Variants in ADAM23 observed in about 807,000 individuals in gnomAD.
ADAM23 encodes the protein disintegrin and metalloproteinase domain-containing protein 23.
A neutral mutation model predicts 120.1 loss-of-function variants in ADAM23; 33 were observed. The observed-to-expected ratio is 0.27, with a 90% confidence interval of 0.21 to 0.37. ADAM23 has a LOEUF of 0.37. Ranked by LOEUF, ADAM23 falls within the 10% of genes least tolerant of loss-of-function variation. The pLI is 1.00. For missense variants in ADAM23, 862 were observed against 1,058.2 expected (o/e 0.81, Z 2.57); for synonymous variants, 367 against 375.2 (o/e 0.98, Z 0.25).
intron 3 of ADAM23, among the ~76,000 whole-genome samples, chr2:206,502,565 A>G (rs1299808236): frequency 2.6e-5 from 4 of 152,104 alleles, no homozygotes; most frequent in Non-Finnish European, 4.4e-5. Flanking sequence ...AATGAACTTC[A>G]GGTACAGAGG....
chr2:206,573,945 G>T (rs769938497), intron 18 of ADAM23, among the ~76,000 whole-genome samples: 8 of 152,102 alleles, frequency 5.3e-5, no homozygotes, highest in Non-Finnish European at 1.2e-4. Flanking sequence ...CATTAACAGA[G>T]TTTTTGCTTA....
At position 206,619,702 on chromosome 2, in the gene ADAM23, C is replaced by G. The variant is rs183236091; in HGVS notation, c.*2075C>G. 8 of 152,054 alleles carry G rather than the reference C, an allele frequency of 5.3e-5. No individual in the cohort carries two copies. The highest frequency in any genetic ancestry group is 4.6e-4 in the Admixed American group (7 of 15,270). The allele number at this position is 152,054 out of a possible 1,614,324, so 9.4% of individuals were successfully genotyped here. ...TTAACACAGTGGGGTTTTTTTCCCCCGAGGTGTCTTTAACTGGGGAAGTAC... is the reference window on the plus strand; with the variant it reads ...TTAACACAGTGGGGTTTTTTTCCCCGGAGGTGTCTTTAACTGGGGAAGTAC... On this transcript the variant is annotated 3_prime_UTR_variant, in exon 26 of 26. Transcript: ENST00000264377.
intron 2 of ADAM23, among the ~76,000 whole-genome samples, chr2:206,465,872 A>G (rs1695532865): frequency 6.6e-6 from 1 of 152,196 alleles, no homozygotes; most frequent in African/African-American, 2.4e-5. Context: ...TTTGTTCCTG[A>G]ATTTCACAAT....
intron 25 of ADAM23, 77 bp downstream of exon 25, chr2:206,610,077 C>G: frequency 7.7e-7 from 1 of 1,302,024 alleles, no homozygotes; most frequent in Non-Finnish European, 1.0e-6. Context: ...GTTTTGAGTT[C>G]CTGCTACAAG....
intron 3 of ADAM23, among the ~76,000 whole-genome samples, chr2:206,520,767 T>C (rs188850554): frequency 6.6e-6 from 1 of 152,190 alleles, no homozygotes; most frequent in Non-Finnish European, 1.5e-5. Context: ...TTCTGCTTGC[T>C]TTCAGCCTTT....
intron 3 of ADAM23, among the ~76,000 whole-genome samples, chr2:206,528,296 A>G (rs1296987796): frequency 3.3e-5 from 5 of 152,218 alleles, no homozygotes; most frequent in African/African-American, 1.2e-4. Flanking sequence ...TAGCAGTGAA[A>G]TAAGTTTCTG....
chr2:206,596,239 A>G (rs1428578849), intron 24 of ADAM23, 77 bp downstream of exon 24: 3 of 1,111,698 alleles, frequency 2.7e-6, no homozygotes, highest in South Asian at 1.4e-5. Flanking sequence ...ATAACATTCT[A>G]ATTGACTTAA....
At chr2:206,546,599 A>G (rs1697402825) in intron 6 of ADAM23, among the ~76,000 whole-genome samples, 1 of 152,102 alleles carries the variant, frequency 6.6e-6, no homozygotes, top group Non-Finnish European at 1.5e-5. Flanking sequence ...CCCAAAGATA[A>G]CTTCTTGTCA....
intron 2 of ADAM23, among the ~76,000 whole-genome samples, chr2:206,472,428 G>C (rs1305632230): frequency 6.6e-6 from 1 of 151,772 alleles, no homozygotes; most frequent in African/African-American, 2.4e-5. Context: ...TGGCCAATAT[G>C]GTGAAACCCT....
chr2:206,474,017 A>G (rs942360946), intron 2 of ADAM23, among the ~76,000 whole-genome samples: 1 of 147,916 alleles, frequency 6.8e-6, no homozygotes, highest in Non-Finnish European at 1.5e-5. Context: ...GTCTCAAAAA[A>G]AAAAAAACAA....
chr2:206,501,735 A>C (rs77279421), intron 3 of ADAM23, among the ~76,000 whole-genome samples: 22 of 152,138 alleles, frequency 1.4e-4, no homozygotes, highest in African/African-American at 5.3e-4. Context: ...TTGCAAGGTG[A>C]TAGCAATCTC....
At chr2:206,588,711 T>TA (rs1157008360) in intron 20 of ADAM23, among the ~76,000 whole-genome samples, 1 of 152,106 alleles carries the variant, frequency 6.6e-6, no homozygotes, top group Non-Finnish European at 1.5e-5. Flanking sequence ...GCCTCTCCAA[T>TA]AATATCAGTT....
At chr2:206,605,802 C>G in intron 24 of ADAM23, 1 of 702,340 alleles carries the variant, frequency 1.4e-6, no homozygotes, top group Non-Finnish European at 2.6e-6. Context: ...AATATGGCCA[C>G]AAGCAGGCTA....
intron 13 of ADAM23, among the ~76,000 whole-genome samples, chr2:206,562,827 C>T (rs1338261908): frequency 1.3e-5 from 2 of 152,204 alleles, no homozygotes; most frequent in Non-Finnish European, 2.9e-5. Flanking sequence ...ATAGGATTCT[C>T]CTCTAGTGGC....
intron 21 of ADAM23, among the ~76,000 whole-genome samples, chr2:206,590,017 A>G (rs1219776316): frequency 6.6e-6 from 1 of 152,170 alleles, no homozygotes; most frequent in East Asian, 1.9e-4. Context: ...TTCCCTTCCA[A>G]AAAGCATCTA....
chr2:206,510,421 T>A (rs1435075778), intron 3 of ADAM23, among the ~76,000 whole-genome samples: 2 of 152,174 alleles, frequency 1.3e-5, no homozygotes, highest in African/African-American at 2.4e-5. Context: ...ATACTAAGAC[T>A]TCTTTCACTT....
chr2:206,542,095 A>G lies in ADAM23; in HGVS notation c.617A>G (p.Lys206Arg), dbSNP rs554123540. The change falls in exon 5 of 26, where the codon AAA becomes AGA. Residue 206 changes from lysine to arginine, a missense_variant. Coordinates refer to ENST00000264377, the MANE Select transcript of ADAM23 (RefSeq NM_003812.4). The part of the protein sequence containing the change: ...CYYHGSIRGV[K>R]DSKVALSTCN... ...TACCATGGAAGCATCAGAGGCGTCA[A>G]AGACTCCAAGGTGGCTCTGTCAACC... 8 of 1,614,210 alleles carry G rather than the reference A, an allele frequency of 5.0e-6. No individual in the cohort carries two copies. The highest frequency in any genetic ancestry group is 1.6e-4 in the Middle Eastern group (1 of 6,062).
chr2:206,551,073 A>G (rs2105814361), intron 9 of ADAM23, among the ~76,000 whole-genome samples: 1 of 152,280 alleles, frequency 6.6e-6, no homozygotes, highest in Non-Finnish European at 1.5e-5. Context: ...ACTATACTTA[A>G]CCGTTTCCTT....
At chr2:206,553,376 C>T (rs1697573916) in intron 9 of ADAM23, among the ~76,000 whole-genome samples, 1 of 152,108 alleles carries the variant, frequency 6.6e-6, no homozygotes, top group African/African-American at 2.4e-5. Context: ...GTGGAGGTTG[C>T]ACTGAGCCAA....
Sources: allele counts gnomAD v4.1 joint callset (sites outside exome capture counted in the v4.1 genomes callset), GRCh38; gene constraint gnomAD v4.1.1; transcripts MANE v1.5; gene names NCBI Gene and HGNC (gene_info 2026-07-23, HGNC 2026-07-21).